Variants in DRC1 observed in about 807,000 individuals in gnomAD.
DRC1 encodes dynein regulatory complex protein 1.
Under a neutral mutation model 98.7 loss-of-function variants are expected in DRC1, and 74 were observed. The observed-to-expected ratio is 0.75, with a 90% CI of 0.62 to 0.91. The LOEUF (loss-of-function observed/expected upper bound fraction) is 0.91, where lower values mean the gene tolerates loss of function less well. Ranked by LOEUF, DRC1 falls within the 40% of genes least tolerant of loss-of-function variation. The pLI is 0.00. For synonymous variants in DRC1, 336 were observed against 334.1 expected (o/e 1.01, Z -0.06); for missense variants, 875 against 886.0 (o/e 0.99, Z 0.16).
At chr2:26,408,355 C>A (rs1398615580) in intron 1 of DRC1, among the ~76,000 whole-genome samples, 1 of 152,112 alleles carries the variant, frequency 6.6e-6, no homozygotes, top group Non-Finnish European at 1.5e-5. Context: ...CAGTGGATGC[C>A]AGGACCTTCC....
At chr2:26,442,230 G>A (rs1663736112) in intron 8 of DRC1, among the ~76,000 whole-genome samples, 1 of 152,136 alleles carries the variant, frequency 6.6e-6, no homozygotes, top group South Asian at 2.1e-4. Flanking sequence ...ACCTCTTAAA[G>A]GTCCTGCCTC....
At chr2:26,413,494 G>A (rs138151411) in intron 1 of DRC1, among the ~76,000 whole-genome samples, 66 of 152,300 alleles carry the variant, frequency 4.3e-4, no homozygotes, top group African/African-American at 1.4e-3. Flanking sequence ...GCTCCCACCT[G>A]ATACTGTCAA....
intron 1 of DRC1, among the ~76,000 whole-genome samples, chr2:26,404,086 C>T (rs988190948): frequency 1.3e-5 from 2 of 151,528 alleles, no homozygotes; most frequent in African/African-American, 2.4e-5. Flanking sequence ...GGCGACAGAG[C>T]GAGACTCTGT....
chr2:26,416,571 C>T, intron 2 of DRC1, among the ~76,000 whole-genome samples: 1 of 152,130 alleles, frequency 6.6e-6, no homozygotes, highest in East Asian at 1.9e-4. Flanking sequence ...GGCCTATGAC[C>T]TATCTGGAAT....
At chr2:26,410,127 G>A (rs886237408) in intron 1 of DRC1, among the ~76,000 whole-genome samples, 4 of 151,076 alleles carry the variant, frequency 2.6e-5, no homozygotes, top group Non-Finnish European at 5.9e-5. Context: ...AAAAAATAGA[G>A]CTCTTAGAAA....
chr2:26,448,644 A>G (rs775103919), intron 10 of DRC1, 47 bp from the exon 11 acceptor site: 163 of 1,592,524 alleles, frequency 1.0e-4, no homozygotes, highest in Non-Finnish European at 1.3e-4. Context: ...TAGCTCCAGA[A>G]ATTATCTTCT....
Position 26,438,034 on chromosome 2 carries a change from G to A in DRC1, c.889-2344G>A, listed in dbSNP as rs1345734549. On this transcript the variant is annotated intron_variant, in intron 7 of 16. Coordinates refer to ENST00000288710, the MANE Select transcript of DRC1 (RefSeq NM_145038.5). ...TTGAACCCGGGAAGTGGAGGTTGCA[G>A]TGAGCTGAGATCATGCCACTGCACT... is the stretch of plus-strand genomic sequence containing the variant. 2.1e-5 allele frequency among the ~76,000 whole-genome samples: 3 copies of A among 144,360 alleles called. No individual in the cohort carries two copies. In the Admixed American group the frequency reaches 2.1e-4, roughly 10 times the overall value. The allele number at this position is 144,360 out of a possible 152,430, so 94.7% of individuals were successfully genotyped here.
At chr2:26,452,025 T>C (rs1664019232) in intron 13 of DRC1, among the ~76,000 whole-genome samples, 1 of 152,106 alleles carries the variant, frequency 6.6e-6, no homozygotes, top group Admixed American at 6.5e-5. Flanking sequence ...ACAATCAGCC[T>C]TCCTTGTAAT....
intron 1 of DRC1, among the ~76,000 whole-genome samples, chr2:26,406,813 C>CTT (rs5830010): frequency 0.31 from 31,522 of 100,296 alleles, 5,839 homozygotes; most frequent in African/African-American, 0.41. Context: ...TGTCACTTTC[C>CTT]TTTTTTTTTT....
At chr2:26,417,360 G>C (rs529206857) in intron 2 of DRC1, among the ~76,000 whole-genome samples, 1 of 145,018 alleles carries the variant, frequency 6.9e-6, no homozygotes, top group Non-Finnish European at 1.5e-5. Context: ...AAACAGCCTC[G>C]TTCTGTCATC....
At chr2:26,430,074 T>C (rs1250033040) in intron 5 of DRC1, among the ~76,000 whole-genome samples, 3 of 152,120 alleles carry the variant, frequency 2.0e-5, no homozygotes, top group Non-Finnish European at 4.4e-5. Context: ...AATATATTAT[T>C]TTACAGGTGG....
chr2:26,448,757 C>T lies in DRC1; in HGVS notation c.1463C>T (p.Ser488Phe), dbSNP rs1395739972. 6.2e-7 allele frequency: 1 copy of T among 1,614,236 alleles called. No individual in the cohort carries two copies. Among genetic ancestry groups the T allele is most frequent in the Non-Finnish European group, 8.5e-7 (1 of 1,180,036 alleles). ...TACCTGGATTTGCCGAAGCAAATTT[C>T]TGAAAAAACTACCAAGAGGATCCTG... ...ESYLDLPKQI[S>F]EKTTKRILML... The change falls in exon 11 of 17, where the codon TCT becomes TTT. Residue 488 changes from serine to phenylalanine, a missense_variant. By Grantham distance (155) the Ser-to-Phe change is radical. Coordinates refer to ENST00000288710, the MANE Select transcript of DRC1 (RefSeq NM_145038.5).
At chr2:26,417,810 T>A (rs10199018) in intron 2 of DRC1, among the ~76,000 whole-genome samples, 2 of 152,202 alleles carry the variant, frequency 1.3e-5, no homozygotes, top group African/African-American at 4.8e-5. Context: ...GGTATATAAA[T>A]GTACAGTTGA....
At chr2:26,419,963 A>G (rs565247142) in intron 2 of DRC1, among the ~76,000 whole-genome samples, 46 of 152,320 alleles carry the variant, frequency 3.0e-4, no homozygotes, top group African/African-American at 9.9e-4. Context: ...GAAAGACTCC[A>G]CATATCATTA....
intron 1 of DRC1, among the ~76,000 whole-genome samples, chr2:26,412,983 CGT>C (rs1217521967): frequency 6.6e-6 from 1 of 152,186 alleles, no homozygotes; most frequent in Non-Finnish European, 1.5e-5. Flanking sequence ...GGGGTTTCAC[CGT>C]GTTAGCCAGG....
chr2:26,429,871 C>A (rs191773172), intron 5 of DRC1, 106 bp downstream of exon 5: 3 of 1,217,078 alleles, frequency 2.5e-6, no homozygotes, highest in Non-Finnish European at 2.3e-6. Flanking sequence ...CTTCTCTGTC[C>A]GCTGATTTCT....
In DRC1 at chr2:26,438,087, C is replaced by CAAA. The variant is rs61571007; in HGVS notation, c.889-2269_889-2267dup. ...AGCCTGGGCGAGAAAGACTCTATCT[C>CAAA]AAAAAAAAAAAAAAAAAAAAAAAAG... is the stretch of plus-strand genomic sequence containing the variant. On this transcript the variant is annotated intron_variant, in intron 7 of 16. Transcript: ENST00000288710. Among the ~76,000 whole-genome samples the CAAA allele has an allele frequency of 1.1e-3, 57 of 50,064 alleles. 1 individual carries two copies. Among genetic ancestry groups the CAAA allele is most frequent in the African/African-American group, 2.2e-3 (39 of 18,078 alleles). 32.8% of individuals were successfully genotyped at this position (50,064 alleles called of 152,430 possible).
chr2:26,412,443 A>G (rs747936279), intron 1 of DRC1, among the ~76,000 whole-genome samples: 5 of 152,154 alleles, frequency 3.3e-5, no homozygotes, highest in African/African-American at 4.8e-5. Context: ...CTAAGGCAGT[A>G]CTGGTAGCCC....
intron 1 of DRC1, among the ~76,000 whole-genome samples, 186 bp downstream of exon 1, chr2:26,402,330 C>T (rs1272454351): frequency 3.3e-5 from 5 of 152,234 alleles, no homozygotes. Context: ...GGGCCGATCA[C>T]TGGAGCCCAG....
Sources: gnomAD v4.1 joint callset for allele counts (sites outside exome capture counted in the v4.1 genomes callset) on GRCh38, gnomAD v4.1.1 for gene constraint, MANE v1.5 for transcripts, NCBI Gene and HGNC (gene_info 2026-07-23, HGNC 2026-07-21) for gene names.